Variants in MYLK observed in about 807,000 individuals in gnomAD.
MYLK encodes myosin light chain kinase, smooth muscle.
Under a neutral mutation model 203.4 loss-of-function variants are expected in MYLK, and 106 were observed. The observed-to-expected ratio is 0.52, with a 90% CI of 0.45 to 0.61. The LOEUF (loss-of-function observed/expected upper bound fraction) is 0.61. Among genes scored for constraint, MYLK ranks in the 20% least tolerant of loss-of-function variants. The pLI is 0.00. For synonymous variants in MYLK, 867 were observed against 959.5 expected, an observed-to-expected ratio of 0.90 and a Z score of 1.78; for missense variants, 2,072 against 2,442.3, an observed-to-expected ratio of 0.85 and a Z score of 3.20.
At chr3:123,787,800 C>G (rs1217912309) in intron 4 of MYLK, among the ~76,000 whole-genome samples, 1 of 152,110 alleles carries the variant, frequency 6.6e-6, no homozygotes, top group Non-Finnish European at 1.5e-5. Context: ...TATGTTAGTC[C>G]CCTTTCTATC....
At chr3:123,741,701 C>G (rs2062861036) in intron 5 of MYLK, among the ~76,000 whole-genome samples, 1 of 152,202 alleles carries the variant, frequency 6.6e-6, no homozygotes, top group African/African-American at 2.4e-5. Flanking sequence ...CACAGCTATT[C>G]ACTTTTATCT....
intron 4 of MYLK, among the ~76,000 whole-genome samples, chr3:123,790,445 C>T (rs149545183): frequency 1.3e-5 from 2 of 152,136 alleles, no homozygotes; most frequent in Admixed American, 1.3e-4. Flanking sequence ...GGTGGAAAAG[C>T]CCTAAAGGCT....
At chr3:123,738,484 T>G (rs767587827) in intron 7 of MYLK, among the ~76,000 whole-genome samples, 19 of 152,170 alleles carry the variant, frequency 1.2e-4, no homozygotes, top group Non-Finnish European at 2.4e-4. Context: ...CCCTGAATTT[T>G]CAGGGTCCCT....
intron 20 of MYLK, chr3:123,680,998 GC>G (rs747465422): frequency 3.0e-5 from 4 of 135,168 alleles, no homozygotes; most frequent in Admixed American, 7.5e-5. Context: ...TGCCTTTATA[GC>G]CCCCTCCTCC....
chr3:123,711,471 T>G (rs1350292875), intron 13 of MYLK, among the ~76,000 whole-genome samples: 1 of 152,150 alleles, frequency 6.6e-6, no homozygotes, highest in Non-Finnish European at 1.5e-5. Context: ...CACATTCAGT[T>G]TCTTGTGGAG....
chr3:123,807,032 T>A (rs2065393168), intron 3 of MYLK, among the ~76,000 whole-genome samples: 1 of 152,050 alleles, frequency 6.6e-6, no homozygotes, highest in African/African-American at 2.4e-5. Flanking sequence ...ACCAGGTGAG[T>A]CTTGCCTAAG....
chr3:123,867,840 A>T (rs1021395005), intron 2 of MYLK, among the ~76,000 whole-genome samples: 2 of 152,198 alleles, frequency 1.3e-5, no homozygotes, highest in Non-Finnish European at 2.9e-5. Flanking sequence ...TACAGTCCTC[A>T]GGTCCACAGC....
At chr3:123,730,164 G>C (rs2062426622) in intron 11 of MYLK, among the ~76,000 whole-genome samples, 2 of 152,086 alleles carry the variant, frequency 1.3e-5, no homozygotes, top group Non-Finnish European at 2.9e-5. Flanking sequence ...GGAGTTCAAG[G>C]TTACAGTGAG....
At position 123,625,794 on chromosome 3, in the gene MYLK, G is replaced by C. The variant is rs369455256; in HGVS notation, c.5238+1024C>G. 9.9e-5 allele frequency among the ~76,000 whole-genome samples: 14 copies of C among 141,172 alleles called. No homozygotes were observed. In the East Asian group the frequency reaches 3.0e-3, roughly 30 times the overall value. The allele number at this position is 141,172 out of a possible 152,430, so 92.6% of individuals were successfully genotyped here. On this transcript the variant is annotated intron_variant, in intron 31 of 33. Coordinates refer to ENST00000360304, the MANE Select transcript of MYLK (RefSeq NM_053025.4). Reference sequence around the variant, plus strand: ...TGTACTCCAGCCTGGGCAACAGAGCGAGACTCCATCTCAAAAAAAAAAAAA... The same window carrying C: ...TGTACTCCAGCCTGGGCAACAGAGCCAGACTCCATCTCAAAAAAAAAAAAA...
intron 19 of MYLK, among the ~76,000 whole-genome samples, chr3:123,685,420 C>A (rs2060416080): frequency 1.3e-5 from 2 of 152,052 alleles, no homozygotes; most frequent in African/African-American, 4.8e-5. Context: ...TGGTGAAACC[C>A]CGTCTCTACA....
chr3:123,748,550 T>C (rs1576833556), intron 5 of MYLK, among the ~76,000 whole-genome samples: 1 of 152,202 alleles, frequency 6.6e-6, no homozygotes, highest in Non-Finnish European at 1.5e-5. Context: ...TGGTCTGAAG[T>C]GAGGTGTGCT....
At chr3:123,654,135 C>T (rs1438793834) in intron 24 of MYLK, among the ~76,000 whole-genome samples, 1 of 152,024 alleles carries the variant, frequency 6.6e-6, no homozygotes, top group Non-Finnish European at 1.5e-5. Flanking sequence ...GCAGGCATCA[C>T]GTCTCCGTGA....
In MYLK at chr3:123,653,813, T is replaced by C. The variant is rs114676739; in HGVS notation, c.4288+3313A>G. Among the ~76,000 whole-genome samples the C allele has an allele frequency of 5.4e-3, 823 of 152,284 alleles. 11 individuals are homozygous for C. Among genetic ancestry groups the C allele is most frequent in the African/African-American group, 0.018 (738 of 41,560 alleles). ...CTCCAGTCTCTCCCTCTTTACACCA[T>C]AGCACAGACCTGGATGATTTCCTTT... On this transcript the variant is annotated intron_variant, in intron 24 of 33. Transcript: ENST00000360304.
intron 4 of MYLK, among the ~76,000 whole-genome samples, chr3:123,763,173 C>T (rs1186383041): frequency 6.6e-6 from 1 of 152,180 alleles, no homozygotes; most frequent in African/African-American, 2.4e-5. Flanking sequence ...AACTGCTTTA[C>T]TTTGATATCC....
intron 3 of MYLK, among the ~76,000 whole-genome samples, chr3:123,820,763 G>A (rs1053001046): frequency 6.7e-6 from 1 of 150,198 alleles, no homozygotes; most frequent in Non-Finnish European, 1.5e-5. Context: ...TGACTCTGTT[G>A]CCCAGGCTGG....
Position 123,734,020 on chromosome 3 carries a change from T to A in MYLK, c.976A>T (p.Lys326Ter). ...PPRESKLESC[K>*]DSPRTAPQTP... ...TGCGGGGCCGTTCTGGGCGAGTCCT[T>A]GCATGACTCCAGCTTGGACTCCCTT... is the stretch of plus-strand genomic sequence containing the variant. The change falls in exon 10 of 34, where the codon AAG becomes TAG. Residue 326 changes from lysine (K) to a stop codon, truncating the protein, a stop_gained. Coordinates refer to ENST00000360304, the MANE Select transcript of MYLK (RefSeq NM_053025.4). LOFTEE classifies it high-confidence loss of function. The A allele has an allele frequency of 6.2e-7, 1 of 1,614,176 alleles. No individual in the cohort carries two copies. Among genetic ancestry groups the A allele is most frequent in the Non-Finnish European group, 8.5e-7 (1 of 1,180,038 alleles).
At chr3:123,849,664 T>C (rs2030496352) in intron 2 of MYLK, among the ~76,000 whole-genome samples, 1 of 152,152 alleles carries the variant, frequency 6.6e-6, no homozygotes, top group Non-Finnish European at 1.5e-5. Context: ...ATGGCTCGTG[T>C]TGGGTTGAGA....
chr3:123,666,408 C>T (rs1325053086), intron 21 of MYLK, 62 bp from the exon 22 acceptor site: 20 of 1,610,372 alleles, frequency 1.2e-5, no homozygotes, highest in Middle Eastern at 3.3e-4. Flanking sequence ...TGATCACATT[C>T]GACGCCATTG....
intron 20 of MYLK, among the ~76,000 whole-genome samples, chr3:123,670,241 C>T (rs1343895634): frequency 6.6e-6 from 1 of 151,942 alleles, no homozygotes; most frequent in Non-Finnish European, 1.5e-5. Flanking sequence ...GGAAAAGGAA[C>T]ACTGTTGGTG....
Sources: gnomAD v4.1 joint callset for allele counts (sites outside exome capture counted in the v4.1 genomes callset) on GRCh38, gnomAD v4.1.1 for gene constraint, MANE v1.5 for transcripts, NCBI Gene and HGNC (gene_info 2026-07-23, HGNC 2026-07-21) for gene names.